The following TMEM164 variants were observed in gnomAD, a reference collection of about 807,000 sequenced individuals.
TMEM164 encodes RP13-360B22.2.
A neutral mutation model predicts 18.8 loss-of-function variants in TMEM164; 4 were observed. The ratio of observed to expected loss-of-function variants is 0.21; its 90% CI spans 0.10 to 0.49. The LOEUF (loss-of-function observed/expected upper bound fraction) is 0.49, where lower values mean the gene tolerates loss of function less well. TMEM164 is among the 20% of genes least tolerant of loss of function. The pLI is 0.98. For synonymous variants in TMEM164, 86 were observed against 101.7 expected (o/e 0.85, Z 0.93); for missense variants, 108 against 239.9 (o/e 0.45, Z 3.63).
chrX:110,088,048 A>G (rs949412836), intron 3 of TMEM164, among the ~76,000 whole-genome samples: 1 of 112,093 alleles, frequency 8.9e-6, no homozygotes, highest in Admixed American at 9.4e-5. Flanking sequence ...CCTTTGGGCC[A>G]CATGATATGA....
chrX:110,092,969 G>T (rs375519842), intron 3 of TMEM164, among the ~76,000 whole-genome samples: 13 of 111,763 alleles, frequency 1.2e-4, no homozygotes, highest in African/African-American at 3.9e-4. Flanking sequence ...TGAGATAATC[G>T]TGTGGTTTTT....
chrX:110,096,956 A>C (rs1381921218), intron 3 of TMEM164, among the ~76,000 whole-genome samples: 1 of 111,971 alleles, frequency 8.9e-6, no homozygotes, highest in Non-Finnish European at 1.9e-5. Flanking sequence ...CCAGGGGTTT[A>C]TAGAAACAGA....
intron 3 of TMEM164, among the ~76,000 whole-genome samples, chrX:110,092,820 C>A (rs1457575415): frequency 8.9e-6 from 1 of 112,041 alleles, no homozygotes; most frequent in East Asian, 2.8e-4. Flanking sequence ...AGTTTATGCT[C>A]ATTCAGTATG....
At chrX:110,093,142 G>A (rs1395363763) in intron 3 of TMEM164, among the ~76,000 whole-genome samples, 1 of 111,750 alleles carries the variant, frequency 8.9e-6, no homozygotes, top group African/African-American at 3.3e-5. Context: ...TTGCATCGAT[G>A]TTCATCAGGG....
chrX:110,073,153 T>A (rs946455503), intron 3 of TMEM164, among the ~76,000 whole-genome samples: 2 of 111,550 alleles, frequency 1.8e-5, no homozygotes, highest in Admixed American at 1.9e-4. Flanking sequence ...TGCCTCAGCC[T>A]CCCAAGTAGC....
intron 3 of TMEM164, among the ~76,000 whole-genome samples, chrX:110,088,977 CA>C (rs1373232600): frequency 1.8e-5 from 2 of 111,240 alleles, no homozygotes; most frequent in East Asian, 5.6e-4. Flanking sequence ...TTACTTTATC[CA>C]AGTGAAGAAT....
intron 2 of TMEM164, chrX:110,045,923 A>C: frequency 2.6e-6 from 1 of 389,953 alleles, no homozygotes; most frequent in Non-Finnish European, 3.3e-6. Flanking sequence ...GCCCAGCTTT[A>C]TCCTACCCTA....
At chrX:110,056,173 C>A (rs996112041) in intron 2 of TMEM164, among the ~76,000 whole-genome samples, 2 of 109,493 alleles carry the variant, frequency 1.8e-5, no homozygotes, top group Non-Finnish European at 3.8e-5. Context: ...AGCTCACCCC[C>A]CTCCCTACCT....
intron 4 of TMEM164, among the ~76,000 whole-genome samples, chrX:110,131,200 A>G (rs1231910950): frequency 1.8e-5 from 2 of 111,716 alleles, no homozygotes; most frequent in African/African-American, 6.5e-5. Context: ...GAGTAGATTA[A>G]CCAGATTCCC....
At chrX:110,069,168 G>A (rs2065545500) in intron 3 of TMEM164, among the ~76,000 whole-genome samples, 2 of 111,569 alleles carry the variant, frequency 1.8e-5, no homozygotes, top group African/African-American at 6.5e-5. Context: ...GTAGGTAGAG[G>A]TATATAGGTA....
downstream of TMEM164, among the ~76,000 whole-genome samples, chrX:110,181,224 T>C (rs2067322707): frequency 8.9e-6 from 1 of 112,256 alleles, no homozygotes; most frequent in Admixed American, 9.4e-5. Context: ...TGACCGTCTA[T>C]AGCAGTGCCT....
intron 2 of TMEM164, among the ~76,000 whole-genome samples, chrX:110,007,167 C>A (rs1048846328): frequency 8.9e-6 from 1 of 112,405 alleles, no homozygotes; most frequent in African/African-American, 3.2e-5. Context: ...CTCATCATAG[C>A]CATGCTGCCT....
chrX:110,162,485 G>A (rs2067106672), intron 5 of TMEM164, among the ~76,000 whole-genome samples: 1 of 112,185 alleles, frequency 8.9e-6, no homozygotes, highest in Non-Finnish European at 1.9e-5. Flanking sequence ...CTTAGGATGG[G>A]AGGTTGACAA....
chrX:110,066,062 G>T (rs1936328719), intron 2 of TMEM164, among the ~76,000 whole-genome samples: 1 of 111,878 alleles, frequency 8.9e-6, no homozygotes, highest in East Asian at 2.8e-4. Flanking sequence ...GTATCATGCA[G>T]GTGATGGACT....
chrX:110,122,633 G>C (rs1438411266), intron 4 of TMEM164, among the ~76,000 whole-genome samples: 3 of 111,320 alleles, frequency 2.7e-5, no homozygotes, highest in African/African-American at 9.8e-5. Context: ...TCATATTCAG[G>C]AACATTTCAG....
chrX:110,038,148 G>A (rs1267080981), intron 2 of TMEM164, among the ~76,000 whole-genome samples: 4 of 108,057 alleles, frequency 3.7e-5, no homozygotes. Context: ...CCGCCACTAC[G>A]CCCGGCTAAT....
chrX:110,142,853 C>T (rs1357933500), intron 4 of TMEM164, among the ~76,000 whole-genome samples: 1 of 112,784 alleles, frequency 8.9e-6, no homozygotes, highest in African/African-American at 3.2e-5. Flanking sequence ...CCTCCCTGGA[C>T]ATTCAGGTGG....
At chrX:110,041,991 A>G (rs2147785121) in intron 2 of TMEM164, among the ~76,000 whole-genome samples, 1 of 112,048 alleles carries the variant, frequency 8.9e-6, no homozygotes, top group East Asian at 2.8e-4. Flanking sequence ...AGTGGTTTTC[A>G]TATACTACAT....
intron 4 of TMEM164, among the ~76,000 whole-genome samples, chrX:110,142,477 C>T (rs1343636186): frequency 3.6e-5 from 4 of 112,117 alleles, no homozygotes; most frequent in Non-Finnish European, 7.5e-5. Context: ...GCTCTGTCAC[C>T]GAATGAGAAT....
Sources: gnomAD v4.1 joint callset for allele counts (sites outside exome capture counted in the v4.1 genomes callset) on GRCh38, gnomAD v4.1.1 for gene constraint, MANE v1.5 for transcripts, NCBI Gene and HGNC (gene_info 2026-07-23, HGNC 2026-07-21) for gene names.